PCDH9: variants seen among roughly 807,000 people sequenced by gnomAD.
PCDH9 encodes protocadherin-9.
Under a neutral mutation model 70.6 loss-of-function variants are expected in PCDH9, and 24 were observed. The observed-to-expected ratio is 0.34, with a 90% CI of 0.25 to 0.48. The LOEUF (loss-of-function observed/expected upper bound fraction) is 0.48. Among genes scored for constraint, PCDH9 ranks in the 20% least tolerant of loss-of-function variants. The pLI is 0.99. For synonymous variants in PCDH9, 562 were observed against 558.5 expected (o/e 1.01, Z -0.09); for missense variants, 1,281 against 1,503.6 (o/e 0.85, Z 2.45).
intron 2 of PCDH9, among the ~76,000 whole-genome samples, chr13:66,916,843 A>AGAGCTAAACACAATAAGGG (rs1490174107): frequency 1.1e-4 from 17 of 151,610 alleles, no homozygotes; most frequent in African/African-American, 4.1e-4. Context: ...ATTCAAATAA[A>AGAGCTAAACACAATAAGGG]GAGCTAAACA....
At chr13:66,662,149 A>G (rs967260087) in intron 3 of PCDH9, among the ~76,000 whole-genome samples, 26 of 152,050 alleles carry the variant, frequency 1.7e-4, no homozygotes, top group South Asian at 6.2e-4. Context: ...CAAAACAAAT[A>G]TCAAGTATAT....
intron 4 of PCDH9, among the ~76,000 whole-genome samples, chr13:66,341,486 C>T (rs1956123461): frequency 6.6e-6 from 1 of 152,094 alleles, no homozygotes; most frequent in African/African-American, 2.4e-5. Context: ...AGCGGTGTCA[C>T]CCAATAGGTT....
intron 3 of PCDH9, among the ~76,000 whole-genome samples, chr13:66,866,253 T>C (rs1369997660): frequency 3.3e-5 from 5 of 151,904 alleles, no homozygotes; most frequent in Non-Finnish European, 5.9e-5. Context: ...GAGGCCGAGG[T>C]GGGCTGATCA....
intron 3 of PCDH9, among the ~76,000 whole-genome samples, chr13:66,874,914 A>AGTGTGTGTGTGTGTGTGTGT (rs36045690): frequency 3.6e-5 from 5 of 137,476 alleles, no homozygotes; most frequent in African/African-American, 1.1e-4. Context: ...CAAAAGCAGC[A>AGTGTGTGTGTGTGTGTGTGT]GTGTGTGTGT....
At chr13:67,202,582 G>T (rs1411161924) in intron 2 of PCDH9, 1 of 152,062 alleles carries the variant, frequency 6.6e-6, no homozygotes, top group Non-Finnish European at 1.5e-5. Flanking sequence ...CCTCTTATTG[G>T]TCAGAATGAA....
At chr13:66,889,850 G>A (rs1042559247) in intron 3 of PCDH9, among the ~76,000 whole-genome samples, 5 of 152,068 alleles carry the variant, frequency 3.3e-5, no homozygotes, top group East Asian at 3.9e-4. Flanking sequence ...TATGTACATC[G>A]CTTTTTGGCG....
At chr13:66,789,659 C>T (rs2080133419) in intron 3 of PCDH9, among the ~76,000 whole-genome samples, 1 of 152,094 alleles carries the variant, frequency 6.6e-6, no homozygotes, top group South Asian at 2.1e-4. Flanking sequence ...ATTGCAACTT[C>T]CTCTCAGCAC....
intron 3 of PCDH9, among the ~76,000 whole-genome samples, chr13:66,773,613 G>A (rs1323088966): frequency 1.3e-5 from 2 of 151,096 alleles, no homozygotes; most frequent in African/African-American, 4.9e-5. Context: ...CTGGGCGACA[G>A]AGCCAGACAC....
chr13:66,444,663 C>T (rs1462337040), intron 4 of PCDH9, among the ~76,000 whole-genome samples: 1 of 152,084 alleles, frequency 6.6e-6, no homozygotes, highest in African/African-American at 2.4e-5. Flanking sequence ...TAGGTTCAAG[C>T]GATTCTCCTG....
chr13:66,818,959 A>AAAAAAC, intron 3 of PCDH9, among the ~76,000 whole-genome samples: 1 of 139,892 alleles, frequency 7.1e-6, no homozygotes, highest in South Asian at 2.3e-4. Context: ...AACAAAAAAC[A>AAAAAAC]AAAAAACAAA....
intron 4 of PCDH9, among the ~76,000 whole-genome samples, chr13:66,311,257 T>A (rs1955554396): frequency 6.6e-6 from 1 of 152,058 alleles, no homozygotes. Flanking sequence ...TTCATTCATT[T>A]GAAGTTAATT....
intron 2 of PCDH9, among the ~76,000 whole-genome samples, chr13:67,074,365 C>A (rs1436227227): frequency 1.3e-5 from 2 of 152,072 alleles, no homozygotes; most frequent in African/African-American, 4.8e-5. Context: ...CTTCACCAGA[C>A]ACTGAATCTG....
At chr13:66,380,317 T>G (rs1424524404) in intron 4 of PCDH9, among the ~76,000 whole-genome samples, 4 of 152,200 alleles carry the variant, frequency 2.6e-5, no homozygotes, top group Non-Finnish European at 5.9e-5. Context: ...ACTTTAAAAC[T>G]GCTGTCAATA....
intron 2 of PCDH9, among the ~76,000 whole-genome samples, chr13:67,198,342 A>C (rs2089127046): frequency 6.6e-5 from 10 of 151,942 alleles, no homozygotes. Context: ...TTTTAAGAAG[A>C]AATAAATCCT....
chr13:66,414,778 G>A (rs975497179), intron 4 of PCDH9, among the ~76,000 whole-genome samples: 5 of 152,066 alleles, frequency 3.3e-5, no homozygotes, highest in African/African-American at 9.7e-5. Flanking sequence ...ATATTTCAAC[G>A]TGAAAACTAT....
chr13:66,357,998 G>T (rs1367227577), intron 4 of PCDH9, among the ~76,000 whole-genome samples: 1 of 151,968 alleles, frequency 6.6e-6, no homozygotes, highest in South Asian at 2.1e-4. Context: ...TACTGCTTCT[G>T]TTACTAGCAT....
chr13:66,337,215 C>G (rs1956051284), intron 4 of PCDH9, among the ~76,000 whole-genome samples: 1 of 151,922 alleles, frequency 6.6e-6, no homozygotes, highest in South Asian at 2.1e-4. Flanking sequence ...CTAAAAATAA[C>G]ATGAGGTCAA....
chr13:66,529,510 A>T (rs1175446442), intron 4 of PCDH9, among the ~76,000 whole-genome samples: 1 of 152,082 alleles, frequency 6.6e-6, no homozygotes, highest in African/African-American at 2.4e-5. Flanking sequence ...GTAGAGTCAT[A>T]TTTGTTCCAA....
chr13:66,987,956 T>G (rs990890435), intron 2 of PCDH9, among the ~76,000 whole-genome samples: 15 of 152,072 alleles, frequency 9.9e-5, no homozygotes, highest in African/African-American at 3.6e-4. Context: ...TGGAGTGCAG[T>G]GCTAGAATTA....
Sources: allele counts gnomAD v4.1 joint callset (sites outside exome capture counted in the v4.1 genomes callset), GRCh38; gene constraint gnomAD v4.1.1; transcripts MANE v1.5; gene names NCBI Gene and HGNC (gene_info 2026-07-23, HGNC 2026-07-21).